L3MBTL4: variants seen among roughly 807,000 people sequenced by gnomAD.
L3MBTL4 encodes lethal(3)malignant brain tumor-like protein 4.
L3MBTL4 carries 70 observed loss-of-function variants against 84.5 expected under a neutral mutation model. That is an observed-to-expected ratio of 0.83 (90% CI 0.68 to 1.01). The LOEUF is 1.01. Ranked by LOEUF, L3MBTL4 falls within the 50% of genes least tolerant of loss-of-function variation. L3MBTL4 has a pLI of 0.00. For missense variants in L3MBTL4, 715 were observed against 754.8 expected (o/e 0.95, Z 0.62); for synonymous variants, 274 against 259.8 (o/e 1.05, Z -0.52).
At chr18:6,248,817 C>A (rs546768377) in intron 5 of L3MBTL4, among the ~76,000 whole-genome samples, 1 of 152,154 alleles carries the variant, frequency 6.6e-6, no homozygotes, top group Admixed American at 6.6e-5. Context: ...TGTATAGGTA[C>A]CCCAGCTCAT....
chr18:6,052,875 C>T (rs1473605134), intron 16 of L3MBTL4, among the ~76,000 whole-genome samples: 1 of 152,212 alleles, frequency 6.6e-6, no homozygotes, highest in Admixed American at 6.5e-5. Context: ...CGAAATCGTG[C>T]TATACAAATG....
At chr18:6,239,143 C>G (rs967435446) in intron 9 of L3MBTL4, among the ~76,000 whole-genome samples, 1 of 151,942 alleles carries the variant, frequency 6.6e-6, no homozygotes, top group Middle Eastern at 3.4e-3. Context: ...AGATCGAGAC[C>G]ATCCCGGCTA....
chr18:6,170,953 G>A (rs1041540622), intron 13 of L3MBTL4, among the ~76,000 whole-genome samples: 21 of 152,170 alleles, frequency 1.4e-4, no homozygotes, highest in African/African-American at 5.1e-4. Context: ...GGCTCCAGAA[G>A]GGCCTTCATC....
intron 7 of L3MBTL4, 87 bp from the exon 8 acceptor site, chr18:6,241,536 G>A (rs1450609598): frequency 9.8e-6 from 7 of 714,062 alleles, no homozygotes; most frequent in Admixed American, 2.8e-5. Flanking sequence ...AAGTAAGTGC[G>A]GTTTTGGCCA....
chr18:6,285,978 C>T (rs572189821), intron 4 of L3MBTL4, among the ~76,000 whole-genome samples: 1 of 151,416 alleles, frequency 6.6e-6, no homozygotes, highest in African/African-American at 2.4e-5. Flanking sequence ...ATCACAGGTG[C>T]GTGCCACCAC....
intron 14 of L3MBTL4, among the ~76,000 whole-genome samples, chr18:6,115,184 G>A (rs1292164412): frequency 2.0e-5 from 3 of 152,148 alleles, no homozygotes; most frequent in South Asian, 2.1e-4. Flanking sequence ...TTTGAGAAAT[G>A]GGCAGCCATT....
intron 1 of L3MBTL4, among the ~76,000 whole-genome samples, chr18:6,329,130 TTTTGTTTC>T (rs869268044): frequency 1.8e-4 from 15 of 83,604 alleles, no homozygotes; most frequent in African/African-American, 1.2e-3. Flanking sequence ...CTTCTGTTTC[TTTTGTTTC>T]TTTTTTTCTT....
At chr18:6,134,028 A>G (rs2059953451) in intron 14 of L3MBTL4, among the ~76,000 whole-genome samples, 1 of 152,184 alleles carries the variant, frequency 6.6e-6, no homozygotes, top group Non-Finnish European at 1.5e-5. Context: ...CTGGGAAGGA[A>G]AAAGAGGTTC....
At chr18:6,157,095 G>C (rs1229460976) in intron 13 of L3MBTL4, among the ~76,000 whole-genome samples, 1 of 152,118 alleles carries the variant, frequency 6.6e-6, no homozygotes, top group Non-Finnish European at 1.5e-5. Context: ...TTCTCGATAA[G>C]TCTATCATGT....
At chr18:6,041,803 C>A (rs2056413857) in intron 16 of L3MBTL4, among the ~76,000 whole-genome samples, 1 of 152,138 alleles carries the variant, frequency 6.6e-6, no homozygotes, top group South Asian at 2.1e-4. Flanking sequence ...TGGCTTACTA[C>A]AGCCTGAACC....
At position 6,234,144 on chromosome 18, in the gene L3MBTL4, AC is replaced by A. The variant is rs551093723; in HGVS notation, c.784+3819del. ...AAAGCTGAAACTGGATCCCTTCCTT[AC>A]CCCTTACACAAAAATTAATCCAAGA... On this transcript the variant is annotated intron_variant, in intron 10 of 18. Transcript: ENST00000317931. Among the ~76,000 whole-genome samples, 639 of 152,268 alleles carry A rather than the reference AC, an allele frequency of 4.2e-3. 8 individuals are homozygous for A. The highest frequency in any genetic ancestry group is 0.015 in the African/African-American group (619 of 41,540).
chr18:6,230,866 A>G (rs11875563), intron 10 of L3MBTL4, among the ~76,000 whole-genome samples: 16,698 of 151,866 alleles, frequency 0.11, 3,120 homozygotes, highest in African/African-American at 0.38. Flanking sequence ...TATGCTTGTC[A>G]GCTACATATA....
chr18:6,378,165 G>A (rs1208346306), intron 1 of L3MBTL4, among the ~76,000 whole-genome samples: 2 of 152,086 alleles, frequency 1.3e-5, no homozygotes, highest in African/African-American at 4.8e-5. Flanking sequence ...GGATGGGGTT[G>A]TTTGTTTTTT....
At chr18:6,177,573 C>T (rs2044279677) in intron 12 of L3MBTL4, among the ~76,000 whole-genome samples, 2 of 152,182 alleles carry the variant, frequency 1.3e-5, no homozygotes, top group South Asian at 2.1e-4. Context: ...CATCAAAATG[C>T]GTGCATGAAA....
intron 1 of L3MBTL4, among the ~76,000 whole-genome samples, chr18:6,387,499 G>A (rs1004823724): frequency 3.9e-5 from 6 of 152,146 alleles, no homozygotes; most frequent in African/African-American, 1.4e-4. Flanking sequence ...GGGAGCAGAA[G>A]TACATACATA....
intron 15 of L3MBTL4, 142 bp from the exon 16 acceptor site, chr18:6,081,093 G>C (rs576267460): frequency 4.4e-5 from 23 of 523,940 alleles, no homozygotes; most frequent in Non-Finnish European, 7.1e-5. Flanking sequence ...AGCCTTGTTA[G>C]AATTTTAAGT....
intron 16 of L3MBTL4, among the ~76,000 whole-genome samples, chr18:6,068,306 G>A (rs1213137188): frequency 1.3e-5 from 2 of 152,178 alleles, no homozygotes; most frequent in Non-Finnish European, 2.9e-5. Flanking sequence ...TATCCCTGGG[G>A]TAGGTATTGG....
At chr18:6,184,234 C>T (rs750370941) in intron 12 of L3MBTL4, among the ~76,000 whole-genome samples, 7 of 152,148 alleles carry the variant, frequency 4.6e-5, no homozygotes, top group African/African-American at 1.4e-4. Flanking sequence ...TAAATAATTT[C>T]CTGTTCACTT....
intron 14 of L3MBTL4, among the ~76,000 whole-genome samples, chr18:6,134,766 C>T (rs2059981623): frequency 6.6e-6 from 1 of 152,188 alleles, no homozygotes; most frequent in Non-Finnish European, 1.5e-5. Flanking sequence ...TCCCTCCTGG[C>T]TGCTTTCATA....
Sources: gnomAD v4.1 joint callset for allele counts (sites outside exome capture counted in the v4.1 genomes callset) on GRCh38, gnomAD v4.1.1 for gene constraint, MANE v1.5 for transcripts, NCBI Gene and HGNC (gene_info 2026-07-23, HGNC 2026-07-21) for gene names.